Variants in ST7L observed in about 807,000 individuals in gnomAD.
The protein encoded by ST7L is suppressor of tumorigenicity 7 protein-like.
In ST7L, 57 loss-of-function variants were observed where a neutral mutation model predicts 72.5. The ratio of observed to expected loss-of-function variants is 0.79; its 90% CI spans 0.64 to 0.98. ST7L has a LOEUF of 0.98. ST7L is among the 50% of genes least tolerant of loss of function. ST7L has a pLI of 0.00. For synonymous variants in ST7L, 221 were observed against 240.9 expected (o/e 0.92, Z 0.77); for missense variants, 576 against 672.2 (o/e 0.86, Z 1.58).
chr1:112,555,972 A>C lies in ST7L; in HGVS notation c.1292T>G (p.Leu431Arg). 1.2e-6 allele frequency: 2 copies of C among 1,611,806 alleles called. No individual in the cohort carries two copies. Among genetic ancestry groups the C allele is most frequent in the Non-Finnish European group, 1.7e-6 (2 of 1,178,682 alleles). ...AATTGCTTCACTATCACCCCGTTTCAGAATGTGTTCTGGAGGTAAAATTAA... is the reference window on the plus strand; with the variant it reads ...AATTGCTTCACTATCACCCCGTTTCCGAATGTGTTCTGGAGGTAAAATTAA... ...KSLILPPEHILKRGDSEAIAY... is the reference protein window; with the variant it reads ...KSLILPPEHIRKRGDSEAIAY... The change falls in exon 12 of 15, where the codon CTG (leucine) becomes CGG (arginine). Residue 431 changes from leucine (L) to arginine (R), a missense_variant. Coordinates refer to ENST00000358039, the MANE Select transcript of ST7L (RefSeq NM_017744.5).
intron 4 of ST7L, among the ~76,000 whole-genome samples, chr1:112,600,352 A>T (rs549958714): frequency 5.4e-4 from 82 of 152,234 alleles, no homozygotes; most frequent in African/African-American, 1.9e-3. Flanking sequence ...CCAAAAATTT[A>T]AAAAAATTAG....
rs942142779 is a variant in ST7L at position 112,591,538 on chromosome 1, C to T, written c.688G>A (p.Glu230Lys). The T allele has an allele frequency of 2.5e-6, 4 of 1,610,366 alleles. No homozygotes were observed. Among genetic ancestry groups the T allele is most frequent in the Admixed American group, 1.7e-5 (1 of 59,622 alleles). ...TTTCAAACTTACTCATTGTTTAATT[C>T]TAAAGCTTGATAGGCTGCTTTGATT... ...ARIKAAYQAL[E>K]LNNDCATAYV... Residue 230 changes from glutamate (E) to lysine (K), a missense_variant, in exon 6 of 15, where the codon GAA becomes AAA. Glu to Lys is a moderately conservative substitution (Grantham distance 56, BLOSUM62 1). Transcript: ENST00000358039.
At chr1:112,576,222 C>G (rs1250105940) in intron 11 of ST7L, among the ~76,000 whole-genome samples, 1 of 152,184 alleles carries the variant, frequency 6.6e-6, no homozygotes, top group Non-Finnish European at 1.5e-5. Flanking sequence ...TCCCAAGTAG[C>G]TGAGACAACA....
rs1662961016 is a variant in ST7L at position 112,575,498 on chromosome 1, C to T, written c.1245+1488G>A. On this transcript the variant is annotated intron_variant, in intron 11 of 14. Transcript: ENST00000358039. Reference sequence around the variant, plus strand: ...TCACTATTAAGTAAGATAAAGGTTACCTGAACACAAGCACTATGATACCAT... The same window carrying T: ...TCACTATTAAGTAAGATAAAGGTTATCTGAACACAAGCACTATGATACCAT... 2.0e-5 allele frequency among the ~76,000 whole-genome samples: 3 copies of T among 152,102 alleles called. No homozygotes were observed. The South Asian group carries it at 6.2e-4, about 31-fold the overall frequency.
intron 11 of ST7L, among the ~76,000 whole-genome samples, chr1:112,570,562 T>C (rs1249989574): frequency 7.9e-6 from 1 of 126,866 alleles, no homozygotes; most frequent in African/African-American, 3.2e-5. Context: ...TATATATATA[T>C]ATATATATAC....
intron 5 of ST7L, 30 bp from the exon 6 acceptor site, chr1:112,591,633 A>T (rs756196438): frequency 6.4e-7 from 1 of 1,563,008 alleles, no homozygotes; most frequent in South Asian, 1.2e-5. Flanking sequence ...AAAATAGATG[A>T]GATGGTAAAA....
intron 9 of ST7L, among the ~76,000 whole-genome samples, chr1:112,578,829 A>T (rs1216062193): frequency 1.3e-5 from 2 of 152,224 alleles, no homozygotes; most frequent in Non-Finnish European, 2.9e-5. Context: ...AATGCAATGC[A>T]AATTCAATAG....
chr1:112,588,835 CT>C (rs1226045140), intron 6 of ST7L, among the ~76,000 whole-genome samples: 1 of 152,094 alleles, frequency 6.6e-6, no homozygotes, highest in Non-Finnish European at 1.5e-5. Flanking sequence ...TCTTTCTGCC[CT>C]TTTCTCTCTC....
intron 6 of ST7L, among the ~76,000 whole-genome samples, chr1:112,590,551 C>T (rs985476243): frequency 2.0e-5 from 3 of 152,146 alleles, no homozygotes. Flanking sequence ...GGAGAAGGTT[C>T]AGGGAACAAC....
chr1:112,617,715 T>TCA (rs761146961), intron 1 of ST7L, among the ~76,000 whole-genome samples: 19,436 of 122,368 alleles, frequency 0.16, 1,400 homozygotes, highest in South Asian at 0.22. Flanking sequence ...TCTTTCTCTC[T>TCA]CTCACACACA....
At chr1:112,578,890 GA>G (rs1178240710) in intron 9 of ST7L, among the ~76,000 whole-genome samples, 1 of 152,144 alleles carries the variant, frequency 6.6e-6, no homozygotes, top group African/African-American at 2.4e-5. Context: ...AATATAGTAG[GA>G]AAAACCCGTA....
At chr1:112,593,901 T>C (rs552762107) in intron 5 of ST7L, among the ~76,000 whole-genome samples, 1 of 152,166 alleles carries the variant, frequency 6.6e-6, no homozygotes, top group Non-Finnish European at 1.5e-5. Context: ...GACCTTTATG[T>C]GAGGGTCTGA....
At chr1:112,619,390 G>T, upstream of ST7L, 1 of 564,238 alleles carries the variant, frequency 1.8e-6, no homozygotes, top group Admixed American at 3.3e-5. Flanking sequence ...AACGAAATGA[G>T]GGTCACCTTT....
chr1:112,555,227 A>AAG (rs35935752), intron 12 of ST7L, among the ~76,000 whole-genome samples: 75,776 of 151,812 alleles, frequency 0.5, 19,268 homozygotes, highest in East Asian at 0.64. Flanking sequence ...ACAAAACAAA[A>AAG]AGACCAATTT....
intron 13 of ST7L, among the ~76,000 whole-genome samples, chr1:112,543,149 A>T (rs1298368401): frequency 6.6e-6 from 1 of 152,212 alleles, no homozygotes; most frequent in Non-Finnish European, 1.5e-5. Flanking sequence ...ACTAGTATGG[A>T]GAAAGAGGCA....
intron 13 of ST7L, among the ~76,000 whole-genome samples, chr1:112,543,925 A>C (rs1237097749): frequency 1.3e-5 from 2 of 151,578 alleles, no homozygotes; most frequent in African/African-American, 4.8e-5. Flanking sequence ...TAGGATTCTG[A>C]CCATAAATAA....
At chr1:112,550,717 G>C in intron 12 of ST7L, 24 bp from the exon 13 acceptor site, 1 of 1,565,078 alleles carries the variant, frequency 6.4e-7, no homozygotes, top group Non-Finnish European at 8.8e-7. Flanking sequence ...AGCATGTGTT[G>C]ATACTCAATT....
downstream of ST7L, chr1:112,521,449 A>C (rs1652877916): frequency 1.3e-5 from 2 of 151,740 alleles, no homozygotes; most frequent in Admixed American, 1.3e-4. Context: ...AGCAGGTCTG[A>C]TCTCAAGGGC....
intron 11 of ST7L, among the ~76,000 whole-genome samples, chr1:112,574,341 C>T (rs949651787): frequency 2.7e-5 from 4 of 150,630 alleles, no homozygotes; most frequent in Non-Finnish European, 5.9e-5. Flanking sequence ...CTCAGCCTCT[C>T]GAATAGCTGA....
Sources: allele counts gnomAD v4.1 joint callset (sites outside exome capture counted in the v4.1 genomes callset), GRCh38; gene constraint gnomAD v4.1.1; transcripts MANE v1.5; gene names NCBI Gene and HGNC (gene_info 2026-07-23, HGNC 2026-07-21).